The following PDE7B variants were observed in gnomAD, a reference collection of about 807,000 sequenced individuals.
PDE7B encodes the protein 3',5'-cyclic-AMP phosphodiesterase 7B.
A neutral mutation model predicts 56.2 loss-of-function variants in PDE7B; 29 were observed. The ratio of observed to expected loss-of-function variants is 0.52; its 90% CI spans 0.38 to 0.70. The LOEUF is 0.70. PDE7B is among the 30% of genes least tolerant of loss of function. The pLI is 0.00. For synonymous variants in PDE7B, 197 were observed against 196.9 expected (o/e 1.00, Z 0.00); for missense variants, 490 against 565.0 (o/e 0.87, Z 1.35).
At chr6:135,897,474 A>G (rs965470368) in intron 1 of PDE7B, among the ~76,000 whole-genome samples, 1 of 152,186 alleles carries the variant, frequency 6.6e-6, no homozygotes, top group South Asian at 2.1e-4. Flanking sequence ...AAAGACACCC[A>G]TGAAGGTGAA....
At chr6:135,909,675 T>C (rs1776177811) in intron 1 of PDE7B, among the ~76,000 whole-genome samples, 1 of 152,140 alleles carries the variant, frequency 6.6e-6, no homozygotes, top group Non-Finnish European at 1.5e-5. Flanking sequence ...TAATCATATA[T>C]GTTATTTTTA....
At chr6:135,982,370 G>C (rs185185824) in intron 2 of PDE7B, among the ~76,000 whole-genome samples, 1 of 152,156 alleles carries the variant, frequency 6.6e-6, no homozygotes, top group East Asian at 1.9e-4. Context: ...GGCTTTCTCT[G>C]ACTCTCAGGT....
chr6:135,928,569 A>G (rs1393092649), intron 1 of PDE7B, among the ~76,000 whole-genome samples: 1 of 144,892 alleles, frequency 6.9e-6, no homozygotes, highest in Non-Finnish European at 1.5e-5. Flanking sequence ...CTATATATAC[A>G]TATATACACA....
At chr6:135,861,746 A>G (rs1775151175) in intron 1 of PDE7B, among the ~76,000 whole-genome samples, 1 of 151,776 alleles carries the variant, frequency 6.6e-6, no homozygotes, top group Non-Finnish European at 1.5e-5. Flanking sequence ...GAGTCTTCCA[A>G]TTCATAAACA....
At chr6:136,105,679 A>G (rs1777634795) in intron 2 of PDE7B, among the ~76,000 whole-genome samples, 2 of 152,202 alleles carry the variant, frequency 1.3e-5, no homozygotes, top group African/African-American at 2.4e-5. Context: ...ATATTAGACA[A>G]CTGGACTTCA....
intron 2 of PDE7B, among the ~76,000 whole-genome samples, chr6:136,101,116 A>G (rs1777553849): frequency 6.6e-6 from 1 of 152,184 alleles, no homozygotes; most frequent in South Asian, 2.1e-4. Flanking sequence ...AATGAAGTCG[A>G]CTTGATCGTG....
At chr6:136,145,955 C>T (rs1778406348) in intron 3 of PDE7B, among the ~76,000 whole-genome samples, 1 of 152,190 alleles carries the variant, frequency 6.6e-6, no homozygotes, top group African/African-American at 2.4e-5. Context: ...AGCACCTTCA[C>T]CTGAATCTCT....
chr6:136,179,557 T>C (rs1433596026), intron 10 of PDE7B, among the ~76,000 whole-genome samples: 4 of 152,236 alleles, frequency 2.6e-5, no homozygotes, highest in African/African-American at 4.8e-5. Flanking sequence ...TCTTGTTCAG[T>C]AACTGATTTA....
chr6:135,956,582 C>A (rs1199425005), intron 2 of PDE7B, among the ~76,000 whole-genome samples: 1 of 152,054 alleles, frequency 6.6e-6, no homozygotes, highest in Non-Finnish European at 1.5e-5. Flanking sequence ...AATTCAAAAC[C>A]AGCCTGGGAA....
chr6:136,147,608 T>C (rs1420003928), intron 4 of PDE7B, 106 bp downstream of exon 4: 1 of 832,608 alleles, frequency 1.2e-6, no homozygotes, highest in African/African-American at 1.7e-5. Context: ...AGGAGCTCTG[T>C]GACCCTGAGC....
At chr6:135,902,493 A>G (rs1356322343) in intron 1 of PDE7B, among the ~76,000 whole-genome samples, 1 of 151,156 alleles carries the variant, frequency 6.6e-6, no homozygotes, top group Non-Finnish European at 1.5e-5. Flanking sequence ...GTCCATAGTT[A>G]TCTGAAACAC....
intron 1 of PDE7B, among the ~76,000 whole-genome samples, chr6:135,942,072 G>C (rs1314311606): frequency 1.3e-5 from 2 of 152,148 alleles, no homozygotes; most frequent in Non-Finnish European, 2.9e-5. Flanking sequence ...AACTCCTATT[G>C]AATGTGATGT....
At chr6:136,048,388 G>T (rs999748480) in intron 2 of PDE7B, among the ~76,000 whole-genome samples, 3 of 152,142 alleles carry the variant, frequency 2.0e-5, no homozygotes, top group African/African-American at 7.2e-5. Flanking sequence ...GAGGCGTGGT[G>T]GTGGGTGCCT....
intron 1 of PDE7B, among the ~76,000 whole-genome samples, chr6:135,907,522 C>A (rs1776137288): frequency 6.6e-6 from 1 of 151,874 alleles, no homozygotes; most frequent in African/African-American, 2.4e-5. Context: ...GAGAATTAGT[C>A]CAATACAAGC....
intron 8 of PDE7B, among the ~76,000 whole-genome samples, chr6:136,160,017 A>T (rs1365847520): frequency 1.3e-5 from 2 of 152,160 alleles, no homozygotes; most frequent in African/African-American, 4.8e-5. Context: ...AATACTTGAT[A>T]ATTCAGGCAC....
intron 3 of PDE7B, among the ~76,000 whole-genome samples, chr6:136,134,348 C>T (rs1027478133): frequency 6.6e-6 from 1 of 152,124 alleles, no homozygotes; most frequent in Admixed American, 6.6e-5. Context: ...AGAGTTAATG[C>T]AGCAGTTTTT....
chr6:136,042,410 C>T (rs952635738), intron 2 of PDE7B, among the ~76,000 whole-genome samples: 4 of 152,232 alleles, frequency 2.6e-5, no homozygotes, highest in African/African-American at 4.8e-5. Context: ...AACCAAATAA[C>T]CGCAAACTCT....
At chr6:136,182,200 CAGA>C (rs1307189645) in intron 11 of PDE7B, among the ~76,000 whole-genome samples, 2 of 152,066 alleles carry the variant, frequency 1.3e-5, no homozygotes, top group African/African-American at 4.8e-5. Flanking sequence ...GCCCCAAAGA[CAGA>C]AGAATTGATT....
chr6:135,967,980 T>A (rs1394709677), intron 2 of PDE7B, among the ~76,000 whole-genome samples: 1 of 152,150 alleles, frequency 6.6e-6, no homozygotes, highest in East Asian at 1.9e-4. Context: ...TTGGCAAGGG[T>A]ACTGTGGCTA....
Sources: gnomAD v4.1 joint callset for allele counts (sites outside exome capture counted in the v4.1 genomes callset) on GRCh38, gnomAD v4.1.1 for gene constraint, MANE v1.5 for transcripts, NCBI Gene and HGNC (gene_info 2026-07-23, HGNC 2026-07-21) for gene names.